NKAIN3: variants seen among roughly 807,000 people sequenced by gnomAD.
The protein encoded by NKAIN3 is sodium/potassium-transporting ATPase subunit beta-1-interacting protein 3.
A neutral mutation model predicts 30.2 loss-of-function variants in NKAIN3; 25 were observed. That is an observed-to-expected ratio of 0.83 (90% CI 0.60 to 1.16). The LOEUF (loss-of-function observed/expected upper bound fraction) is 1.16. Among genes scored for constraint, NKAIN3 ranks in the 50% most tolerant of loss-of-function variants. NKAIN3 has a pLI of 0.00. For synonymous variants in NKAIN3, 91 were observed against 89.6 expected, an observed-to-expected ratio of 1.02 and a Z score of -0.09; for missense variants, 225 against 254.1, an observed-to-expected ratio of 0.89 and a Z score of 0.78.
At chr8:62,925,387 T>C (rs574606833) in intron 5 of NKAIN3, among the ~76,000 whole-genome samples, 1 of 152,232 alleles carries the variant, frequency 6.6e-6, no homozygotes, top group Admixed American at 6.5e-5. Flanking sequence ...GGAAAAAAAA[T>C]GATTAATTCA....
At chr8:62,378,655 C>A (rs1343192844) in intron 1 of NKAIN3, among the ~76,000 whole-genome samples, 1 of 152,158 alleles carries the variant, frequency 6.6e-6, no homozygotes, top group African/African-American at 2.4e-5. Flanking sequence ...AGCCTTGACA[C>A]CTTCCACGTA....
chr8:62,884,550 T>C (rs1200700876), intron 4 of NKAIN3, among the ~76,000 whole-genome samples: 2 of 152,098 alleles, frequency 1.3e-5, no homozygotes, highest in Admixed American at 6.6e-5. Context: ...AGCCCCTGCG[T>C]CAGCACTAAA....
At chr8:62,406,262 C>T (rs543231568) in intron 1 of NKAIN3, among the ~76,000 whole-genome samples, 3 of 152,258 alleles carry the variant, frequency 2.0e-5, no homozygotes, top group Admixed American at 2.0e-4. Context: ...ATTGCTTATG[C>T]TTTCAATGTC....
exon 6 of NKAIN3, chr8:62,999,652 TA>T (rs1329688503): frequency 2.0e-5 from 3 of 152,156 alleles, no homozygotes; most frequent in African/African-American, 7.2e-5. Context: ...CCCATTTGTC[TA>T]TTTTTTGCTT....
intron 5 of NKAIN3, among the ~76,000 whole-genome samples, chr8:62,935,995 T>C (rs1378121802): frequency 5.3e-5 from 8 of 152,152 alleles, no homozygotes; most frequent in African/African-American, 1.7e-4. Flanking sequence ...TCCAGTGAAA[T>C]TATGAAATAG....
rs1287479408 is a variant in NKAIN3 at position 62,973,846 on chromosome 8, A to C, written c.*8439A>C. On this transcript the variant is annotated 3_prime_UTR_variant, in exon 7 of 7. Coordinates refer to ENST00000623646, the MANE Select transcript of NKAIN3 (RefSeq NM_001304533.3). Reference sequence around the variant, plus strand: ...CATCTTGAGTTAATTTTTGTACAAGATGTAAGGAAGGGGTCCAGTTTCAGT... The same window carrying C: ...CATCTTGAGTTAATTTTTGTACAAGCTGTAAGGAAGGGGTCCAGTTTCAGT... Among the ~76,000 whole-genome samples the C allele has an allele frequency of 6.6e-6, 1 of 151,976 alleles. No individual in the cohort carries two copies. Among genetic ancestry groups the C allele is most frequent in the Non-Finnish European group, 1.5e-5 (1 of 67,954 alleles).
intron 1 of NKAIN3, among the ~76,000 whole-genome samples, chr8:62,348,485 A>G (rs560099980): frequency 6.6e-6 from 1 of 152,340 alleles, no homozygotes; most frequent in African/African-American, 2.4e-5. Flanking sequence ...ATACATGTGT[A>G]ACAACATTAA....
At chr8:62,270,116 T>C (rs1055398261) in intron 1 of NKAIN3, among the ~76,000 whole-genome samples, 1 of 152,084 alleles carries the variant, frequency 6.6e-6, no homozygotes, top group Non-Finnish European at 1.5e-5. Flanking sequence ...AGGGTCTCAC[T>C]CTGTCAGCAC....
intron 3 of NKAIN3, among the ~76,000 whole-genome samples, chr8:62,739,697 G>A (rs962647939): frequency 2.6e-5 from 4 of 152,026 alleles, no homozygotes; most frequent in African/African-American, 9.7e-5. Context: ...AAGGAAGTAA[G>A]CCCCAAAATG....
intron 1 of NKAIN3, among the ~76,000 whole-genome samples, chr8:62,556,621 C>T (rs1444888411): frequency 6.6e-6 from 1 of 151,562 alleles, no homozygotes; most frequent in Non-Finnish European, 1.5e-5. Context: ...TGGTATTAAT[C>T]AAATACTAAA....
intron 4 of NKAIN3, among the ~76,000 whole-genome samples, chr8:62,752,099 G>T (rs758301567): frequency 2.6e-5 from 4 of 152,122 alleles, no homozygotes; most frequent in Non-Finnish European, 5.9e-5. Flanking sequence ...TCCCAAAAGG[G>T]TGAACACAAA....
intron 1 of NKAIN3, among the ~76,000 whole-genome samples, chr8:62,386,123 T>C (rs1245667036): frequency 6.6e-6 from 1 of 152,166 alleles, no homozygotes; most frequent in East Asian, 1.9e-4. Flanking sequence ...TCTAATTTGT[T>C]GCTATATATG....
chr8:62,314,991 C>T (rs1199856056), intron 1 of NKAIN3, among the ~76,000 whole-genome samples: 1 of 152,120 alleles, frequency 6.6e-6, no homozygotes, highest in East Asian at 1.9e-4. Context: ...ACCAGCTGTG[C>T]TCAGCTTATA....
At chr8:62,449,532 T>C (rs1805579512) in intron 1 of NKAIN3, among the ~76,000 whole-genome samples, 1 of 152,112 alleles carries the variant, frequency 6.6e-6, no homozygotes, top group Non-Finnish European at 1.5e-5. Context: ...TATGTTTCAT[T>C]GAGTTCTATC....
chr8:62,482,704 G>A (rs1273657274), intron 1 of NKAIN3: 1 of 152,294 alleles, frequency 6.6e-6, no homozygotes, highest in Non-Finnish European at 1.5e-5. Flanking sequence ...CTGGTTGGCA[G>A]GCCCTCCCTT....
At chr8:62,257,793 A>G (rs1407899525) in intron 1 of NKAIN3, among the ~76,000 whole-genome samples, 2 of 152,204 alleles carry the variant, frequency 1.3e-5, no homozygotes, top group African/African-American at 4.8e-5. Context: ...GTATTTATAT[A>G]TACCTGTAGT....
chr8:62,446,628 G>C (rs892476584), intron 1 of NKAIN3, among the ~76,000 whole-genome samples: 1 of 152,052 alleles, frequency 6.6e-6, no homozygotes, highest in South Asian at 2.1e-4. Context: ...TATTCCCCCA[G>C]AACCCTACCA....
chr8:62,627,613 T>C (rs1321682305), intron 3 of NKAIN3, among the ~76,000 whole-genome samples: 1 of 152,136 alleles, frequency 6.6e-6, no homozygotes, highest in Admixed American at 6.6e-5. Context: ...TTCATCAAGA[T>C]GACTGAGAGG....
chr8:62,999,070 C>T lies in NKAIN3; in HGVS notation c.533-161C>T, dbSNP rs4739039. 1.9e-3 allele frequency among the ~76,000 whole-genome samples: 294 copies of T among 152,000 alleles called. 1 individual carries two copies. Among genetic ancestry groups the T allele is most frequent in the Non-Finnish European group, 3.5e-3 (236 of 67,998 alleles). On this transcript the variant is annotated intron_variant, in intron 5 of 5. Coordinates refer to the NKAIN3 transcript ENST00000519049. ...TGCTCATTTTTTAATTGGGTTATTG[C>T]TTTTCTTGTTGACTTGTTTGGGTTC...
Sources: allele counts gnomAD v4.1 joint callset (sites outside exome capture counted in the v4.1 genomes callset), GRCh38; gene constraint gnomAD v4.1.1; transcripts MANE v1.5; gene names NCBI Gene and HGNC (gene_info 2026-07-23, HGNC 2026-07-21).